THSD7A: variants seen among roughly 807,000 people sequenced by gnomAD.
THSD7A encodes the protein thrombospondin type-1 domain-containing protein 7A.
A neutral mutation model predicts 231.3 loss-of-function variants in THSD7A; 96 were observed. The ratio of observed to expected loss-of-function variants is 0.41; its 90% CI spans 0.35 to 0.49. The LOEUF (loss-of-function observed/expected upper bound fraction) is 0.49. Among genes scored for constraint, THSD7A ranks in the 20% least tolerant of loss-of-function variants. THSD7A has a pLI of 0.05. For synonymous variants in THSD7A, 940 were observed against 743.3 expected, an observed-to-expected ratio of 1.26 and a Z score of -4.30; for missense variants, 2,290 against 2,070.2, an observed-to-expected ratio of 1.11 and a Z score of -2.06.
At chr7:11,538,629 T>G (rs140897970) in intron 6 of THSD7A, among the ~76,000 whole-genome samples, 25 of 152,294 alleles carry the variant, frequency 1.6e-4, no homozygotes, top group African/African-American at 5.5e-4. Context: ...AGACCTGGAA[T>G]TGTGTATCCG....
rs770270379 is a variant in THSD7A at position 11,477,783 on chromosome 7, T to C, written c.2018-3215A>G. 1.7e-4 allele frequency among the ~76,000 whole-genome samples: 26 copies of C among 152,254 alleles called. 1 individual carries two copies. In the South Asian group the frequency reaches 2.1e-3, roughly 12 times the overall value. ...TTCCCTTGTTCCTTTTGTTAGACAA[T>C]AGTATTAGAAACCAAGATCTGACTG... On this transcript the variant is annotated intron_variant, in intron 7 of 27. Transcript: ENST00000423059.
At chr7:11,821,573 G>C (rs6976015) in intron 1 of THSD7A, among the ~76,000 whole-genome samples, 54,574 of 151,838 alleles carry the variant, frequency 0.36, 11,261 homozygotes, top group African/African-American at 0.54. Context: ...CTTGATTTCT[G>C]TTTTCTCTGT....
chr7:11,375,892 C>T lies in THSD7A; in HGVS notation c.4890-14G>A, dbSNP rs776387160. The T allele has an allele frequency of 1.4e-5, 22 of 1,610,492 alleles. No individual in the cohort carries two copies. The highest frequency in any genetic ancestry group is 3.3e-4 in the Middle Eastern group (2 of 6,042). On this transcript the variant is annotated splice_polypyrimidine_tract_variant and intron_variant, in intron 27 of 27. Transcript: ENST00000423059. ...TTTGGCTTTTTGCTGTAAAAAAATT[C>T]GGAATTAGGAGAAAGAAAATCAGTT... is the stretch of plus-strand genomic sequence containing the variant.
At chr7:11,682,379 C>T (rs1460251866) in intron 1 of THSD7A, among the ~76,000 whole-genome samples, 1 of 151,944 alleles carries the variant, frequency 6.6e-6, no homozygotes, top group East Asian at 1.9e-4. Context: ...TAATGATGCC[C>T]ATAGGCTCAA....
chr7:11,762,396 G>A (rs1355732565), intron 1 of THSD7A, among the ~76,000 whole-genome samples: 1 of 151,946 alleles, frequency 6.6e-6, no homozygotes, highest in Non-Finnish European at 1.5e-5. Context: ...TCCTAGCTAT[G>A]ATTTATTATT....
rs758650213 is a variant in THSD7A, at chr7:11,406,294, T to C, written c.4237+6A>G. On this transcript the variant is annotated splice_donor_region_variant and intron_variant, in intron 22 of 27. Transcript: ENST00000423059. The surrounding 1 kb of genome is among the most constrained non-coding windows in gnomAD (Gnocchi z 4.7). ...CAGAATATGAATTCTCCTTTGCCGT[T>C]GTTACCTGGGCAAGGCTGGCTGCAG... The C allele has an allele frequency of 1.9e-6, 3 of 1,602,000 alleles. No homozygotes were observed. The South Asian group carries it at 3.4e-5, about 18-fold the overall frequency.
At chr7:11,820,624 A>C in intron 1 of THSD7A, 1 of 740,006 alleles carries the variant, frequency 1.4e-6, no homozygotes, top group Non-Finnish European at 2.4e-6. Context: ...TGAAATTGAA[A>C]GTTTCCTCGA....
chr7:11,425,391 T>A (rs1004620011), intron 15 of THSD7A, among the ~76,000 whole-genome samples: 1 of 151,986 alleles, frequency 6.6e-6, no homozygotes, highest in African/African-American at 2.4e-5. Flanking sequence ...CAATATGAAA[T>A]AAAGCCATCT....
intron 23 of THSD7A, chr7:11,385,053 A>G (rs1258517070): frequency 6.6e-5 from 10 of 150,836 alleles, no homozygotes; most frequent in Non-Finnish European, 1.5e-4. Context: ...TATTTTTTAT[A>G]GTTTTAGTTT....
chr7:11,404,828 T>C (rs746084518), intron 22 of THSD7A, among the ~76,000 whole-genome samples: 1 of 152,316 alleles, frequency 6.6e-6, no homozygotes, highest in Middle Eastern at 3.4e-3. Context: ...TTAACACATT[T>C]TTAGGTATAC....
chr7:11,708,579 G>A (rs1313479761), intron 1 of THSD7A, among the ~76,000 whole-genome samples: 3 of 150,662 alleles, frequency 2.0e-5, no homozygotes, highest in African/African-American at 7.3e-5. Flanking sequence ...GGTTTTCTCT[G>A]CTGTAACATG....
chr7:11,457,748 C>T (rs1327478158), intron 11 of THSD7A, among the ~76,000 whole-genome samples: 1 of 152,080 alleles, frequency 6.6e-6, no homozygotes, highest in African/African-American at 2.4e-5. Context: ...TTTCTGTGAA[C>T]ACATTTAATG....
At chr7:11,828,260 T>C (rs567823868) in intron 1 of THSD7A, among the ~76,000 whole-genome samples, 1 of 152,374 alleles carries the variant, frequency 6.6e-6, no homozygotes, top group African/African-American at 2.4e-5. Flanking sequence ...TTTTCATTGC[T>C]ATCCCACATC....
chr7:11,739,342 C>G (rs1782026567), intron 1 of THSD7A, among the ~76,000 whole-genome samples: 1 of 151,820 alleles, frequency 6.6e-6, no homozygotes, highest in African/African-American at 2.4e-5. Flanking sequence ...TTAAACACTT[C>G]TATGCATGGA....
chr7:11,626,541 C>G (rs868629238), intron 2 of THSD7A, among the ~76,000 whole-genome samples: 1 of 152,216 alleles, frequency 6.6e-6, no homozygotes, highest in Middle Eastern at 3.4e-3. Context: ...CCCTGGTGGT[C>G]ACTTTAATAT....
At chr7:11,689,811 T>TAAAAAAAAAAAA (rs35668623) in intron 1 of THSD7A, among the ~76,000 whole-genome samples, 1 of 129,528 alleles carries the variant, frequency 7.7e-6, no homozygotes, top group Non-Finnish European at 1.6e-5. Context: ...TGGAATTAGT[T>TAAAAAAAAAAAA]AAAAAAAAAA....
chr7:11,565,433 G>A (rs1790267113), intron 4 of THSD7A, among the ~76,000 whole-genome samples: 1 of 152,184 alleles, frequency 6.6e-6, no homozygotes, highest in Non-Finnish European at 1.5e-5. Context: ...TTAAAATGAT[G>A]CTCTGTTGTC....
intron 13 of THSD7A, among the ~76,000 whole-genome samples, chr7:11,434,566 T>A (rs914278713): frequency 2.6e-5 from 4 of 152,082 alleles, no homozygotes; most frequent in African/African-American, 9.7e-5. Context: ...ACATAGAAAA[T>A]ACTGGTTGCT....
intron 13 of THSD7A, among the ~76,000 whole-genome samples, 199 bp from the exon 14 acceptor site, chr7:11,429,324 C>T (rs1784412211): frequency 6.6e-6 from 1 of 152,150 alleles, no homozygotes; most frequent in Non-Finnish European, 1.5e-5. Context: ...GTTAAAATAA[C>T]AGTTGAGCAG....
Sources: allele counts gnomAD v4.1 joint callset (sites outside exome capture counted in the v4.1 genomes callset), GRCh38; gene constraint gnomAD v4.1.1; non-coding constraint Gnocchi (gnomAD v3.1); transcripts MANE v1.5; gene names NCBI Gene and HGNC (gene_info 2026-07-23, HGNC 2026-07-21).